The following MACROD2 variants were observed in gnomAD, a reference collection of about 807,000 sequenced individuals.
The protein encoded by MACROD2 is mono-ADP ribosylhydrolase 2, also known as ADP-ribose glycohydrolase MACROD2.
Under a neutral mutation model 70.4 loss-of-function variants are expected in MACROD2, and 36 were observed. The ratio of observed to expected loss-of-function variants is 0.51; its 90% CI spans 0.39 to 0.68. MACROD2 has a LOEUF of 0.68. MACROD2 is among the 30% of genes least tolerant of loss of function. The pLI is 0.00. For synonymous variants in MACROD2, 172 were observed against 178.8 expected, an observed-to-expected ratio of 0.96 and a Z score of 0.30; for missense variants, 496 against 538.4, an observed-to-expected ratio of 0.92 and a Z score of 0.78.
chr20:15,367,444 C>T (rs1039725003), intron 6 of MACROD2, among the ~76,000 whole-genome samples: 6 of 151,894 alleles, frequency 4.0e-5, no homozygotes, highest in African/African-American at 1.5e-4. Flanking sequence ...TCATTTTTAC[C>T]ATTTTATTTT....
chr20:15,433,160 T>G (rs1301702510), intron 7 of MACROD2, among the ~76,000 whole-genome samples: 1 of 151,908 alleles, frequency 6.6e-6, no homozygotes, highest in African/African-American at 2.4e-5. Flanking sequence ...AGGATGCCCA[T>G]TTTCACCACT....
chr20:15,158,727 A>G (rs1180194192), intron 5 of MACROD2, among the ~76,000 whole-genome samples: 3 of 152,170 alleles, frequency 2.0e-5, no homozygotes, highest in Non-Finnish European at 4.4e-5. Context: ...CTTGAAGGAT[A>G]GCTACTGGTT....
intron 5 of MACROD2, among the ~76,000 whole-genome samples, chr20:14,825,079 A>C (rs1017094659): frequency 1.3e-5 from 2 of 152,192 alleles, no homozygotes; most frequent in Non-Finnish European, 2.9e-5. Flanking sequence ...CTGCCTTTTT[A>C]ACCACATGGT....
At chr20:14,087,246 A>C (rs993719375) in intron 3 of MACROD2, among the ~76,000 whole-genome samples, 1 of 152,182 alleles carries the variant, frequency 6.6e-6, no homozygotes, top group East Asian at 1.9e-4. Flanking sequence ...AAATACAAAA[A>C]TTAGCCAGGT....
intron 7 of MACROD2, among the ~76,000 whole-genome samples, chr20:15,457,046 T>G (rs1214375222): frequency 8.1e-6 from 1 of 122,936 alleles, no homozygotes; most frequent in African/African-American, 3.1e-5. Context: ...CATTTTTCTT[T>G]CCTTTCTTCT....
At chr20:14,171,528 G>A (rs759781743) in intron 3 of MACROD2, among the ~76,000 whole-genome samples, 2 of 152,062 alleles carry the variant, frequency 1.3e-5, no homozygotes, top group African/African-American at 2.4e-5. Flanking sequence ...AATGTGATAG[G>A]CTGTGTCACT....
At chr20:14,870,255 T>G (rs1234461213) in intron 5 of MACROD2, among the ~76,000 whole-genome samples, 1 of 152,164 alleles carries the variant, frequency 6.6e-6, no homozygotes. Flanking sequence ...TCCAGCTCCA[T>G]CCATGTCTCT....
chr20:15,198,701 C>G (rs1036238561), intron 5 of MACROD2, among the ~76,000 whole-genome samples: 8 of 151,942 alleles, frequency 5.3e-5, no homozygotes, highest in Non-Finnish European at 8.8e-5. Flanking sequence ...TTATTTTTTC[C>G]CAATTTCTCT....
chr20:15,825,301 A>T (rs895203302), intron 8 of MACROD2, among the ~76,000 whole-genome samples: 1 of 152,200 alleles, frequency 6.6e-6, no homozygotes, highest in Non-Finnish European at 1.5e-5. Context: ...TGCTCTTGAG[A>T]CACTCCCTTC....
chr20:14,662,971 C>T (rs1448606435), intron 4 of MACROD2, among the ~76,000 whole-genome samples: 2 of 152,110 alleles, frequency 1.3e-5, no homozygotes, highest in Non-Finnish European at 2.9e-5. Context: ...ACCCAGCAAT[C>T]CCATTACTGG....
rs182365006 is a variant in MACROD2, at chr20:15,026,704, C to T, written c.419-203236C>T. 4.5e-3 allele frequency among the ~76,000 whole-genome samples: 680 copies of T among 152,044 alleles called. 6 individuals are homozygous for T. Among genetic ancestry groups the T allele is most frequent in the Middle Eastern group, 0.014 (4 of 294 alleles). ...TTCTAAATACACCCAGGGAACTCTG[C>T]GGACTGCTGAAGGAGCTTTGGAGAT... On this transcript the variant is annotated intron_variant, in intron 5 of 17. Transcript: ENST00000684519.
chr20:14,058,927 C>G (rs2053662075), intron 2 of MACROD2, among the ~76,000 whole-genome samples: 1 of 152,148 alleles, frequency 6.6e-6, no homozygotes, highest in Non-Finnish European at 1.5e-5. Context: ...CAGGCTTGAG[C>G]CACTGCGTCT....
At chr20:14,685,239 A>G (rs2070987890) in intron 5 of MACROD2, among the ~76,000 whole-genome samples, 1 of 152,104 alleles carries the variant, frequency 6.6e-6, no homozygotes, top group Non-Finnish European at 1.5e-5. Flanking sequence ...TCTGAAAGGG[A>G]AATAAAAACA....
At chr20:15,373,452 T>C (rs1396753611) in intron 6 of MACROD2, among the ~76,000 whole-genome samples, 1 of 152,206 alleles carries the variant, frequency 6.6e-6, no homozygotes, top group African/African-American at 2.4e-5. Context: ...TCACCCAGGC[T>C]GAAAGGCAGT....
chr20:14,381,210 T>G (rs2083417904), intron 3 of MACROD2, among the ~76,000 whole-genome samples: 1 of 152,182 alleles, frequency 6.6e-6, no homozygotes, highest in Non-Finnish European at 1.5e-5. Flanking sequence ...ATTCATATCT[T>G]TTACAGTAGA....
intron 5 of MACROD2, among the ~76,000 whole-genome samples, chr20:15,214,481 A>G (rs531365792): frequency 6.6e-6 from 1 of 152,326 alleles, no homozygotes; most frequent in Admixed American, 6.5e-5. Context: ...TGAGGCCAGA[A>G]CTTCAAGACC....
At chr20:15,750,426 G>T (rs531931443) in intron 8 of MACROD2, among the ~76,000 whole-genome samples, 2 of 151,914 alleles carry the variant, frequency 1.3e-5, no homozygotes, top group South Asian at 4.1e-4. Flanking sequence ...AGAAAACGTA[G>T]TTTTCATAAT....
chr20:14,981,498 A>G (rs2074800136), intron 5 of MACROD2, among the ~76,000 whole-genome samples: 1 of 149,440 alleles, frequency 6.7e-6, no homozygotes, highest in Admixed American at 6.7e-5. Context: ...ATGTTATATG[A>G]TTTGGCCGTG....
intron 12 of MACROD2, among the ~76,000 whole-genome samples, chr20:15,965,053 A>T (rs1361840526): frequency 1.3e-5 from 2 of 152,166 alleles, no homozygotes; most frequent in South Asian, 2.1e-4. Flanking sequence ...TGTTTCTAAG[A>T]TGCACATTCT....
Sources: allele counts gnomAD v4.1 joint callset (sites outside exome capture counted in the v4.1 genomes callset), GRCh38; gene constraint gnomAD v4.1.1; transcripts MANE v1.5; gene names NCBI Gene and HGNC (gene_info 2026-07-23, HGNC 2026-07-21).